Variants in RGS7 observed in about 807,000 individuals in gnomAD.
The protein encoded by RGS7 is regulator of G protein signaling 7, also known as regulator of G-protein signaling 7.
RGS7 carries 27 observed loss-of-function variants against 81.1 expected under a neutral mutation model. That is an observed-to-expected ratio of 0.33 (90% CI 0.25 to 0.46). The LOEUF (loss-of-function observed/expected upper bound fraction) is 0.46. Among genes scored for constraint, RGS7 ranks in the 20% least tolerant of loss-of-function variants. The pLI is 1.00. For synonymous variants in RGS7, 208 were observed against 207.7 expected (o/e 1.00, Z -0.01); for missense variants, 396 against 607.4 (o/e 0.65, Z 3.66).
chr1:240,905,882 T>G (rs970936257), intron 6 of RGS7, among the ~76,000 whole-genome samples: 1 of 152,180 alleles, frequency 6.6e-6, no homozygotes, highest in Non-Finnish European at 1.5e-5. Flanking sequence ...TGCACATGAC[T>G]AGATGCTCAA....
At chr1:241,299,062 T>C (rs969259787) in intron 2 of RGS7, among the ~76,000 whole-genome samples, 2 of 152,208 alleles carry the variant, frequency 1.3e-5, no homozygotes, top group African/African-American at 4.8e-5. Context: ...GCTGGCAAAG[T>C]AATCTCTGCA....
intron 2 of RGS7, among the ~76,000 whole-genome samples, chr1:241,123,582 C>T (rs774748977): frequency 2.6e-5 from 4 of 152,134 alleles, no homozygotes; most frequent in Non-Finnish European, 5.9e-5. Context: ...GAAACCCCGT[C>T]TCTACTAAAA....
At chr1:240,916,723 G>C (rs545986179) in intron 6 of RGS7, among the ~76,000 whole-genome samples, 6 of 152,324 alleles carry the variant, frequency 3.9e-5, no homozygotes, top group African/African-American at 1.2e-4. Flanking sequence ...GCCAAGGAGA[G>C]AGCCTCAAGA....
intron 2 of RGS7, among the ~76,000 whole-genome samples, chr1:241,278,451 A>G (rs554462745): frequency 6.8e-4 from 103 of 152,148 alleles, no homozygotes; most frequent in African/African-American, 2.3e-3. Context: ...CCACCACTCA[A>G]TTTATCACTT....
intron 2 of RGS7, among the ~76,000 whole-genome samples, chr1:241,131,248 A>G (rs1276256150): frequency 6.6e-6 from 1 of 152,194 alleles, no homozygotes; most frequent in African/African-American, 2.4e-5. Flanking sequence ...CCAAATGACA[A>G]TTTAGAAATG....
chr1:240,869,860 A>T (rs1437121530), intron 7 of RGS7, among the ~76,000 whole-genome samples, 195 bp downstream of exon 7: 4 of 152,194 alleles, frequency 2.6e-5, no homozygotes, highest in Non-Finnish European at 5.9e-5. Flanking sequence ...GAATCACTTG[A>T]ACCTGGGAGG....
Position 241,157,821 on chromosome 1 carries a change from C to CTTT in RGS7, c.79-59062_79-59060dup, listed in dbSNP as rs67249227. Among the ~76,000 whole-genome samples, 593 of 94,718 alleles carry CTTT rather than the reference C, an allele frequency of 6.3e-3. 8 individuals are homozygous for CTTT. The highest frequency in any genetic ancestry group is 0.02 in the African/African-American group (566 of 28,874). 62.1% of individuals were successfully genotyped at this position (94,718 alleles called of 152,430 possible). The stretch of plus-strand genomic sequence containing the variant: ...AAACTTTTTTCTTTTCTTTTCTTTT[C>CTTT]TTTTTTTTTTTTTTTGATACTGAGT... On this transcript the variant is annotated intron_variant, in intron 2 of 18. Transcript: ENST00000440928.
chr1:241,255,324 A>G (rs1182133834), intron 2 of RGS7, among the ~76,000 whole-genome samples: 1 of 152,170 alleles, frequency 6.6e-6, no homozygotes, highest in Non-Finnish European at 1.5e-5. Context: ...TATAGAAGAG[A>G]GACTGGCATT....
chr1:241,320,629 T>C (rs1313196001), intron 2 of RGS7, among the ~76,000 whole-genome samples: 1 of 152,256 alleles, frequency 6.6e-6, no homozygotes, highest in Non-Finnish European at 1.5e-5. Flanking sequence ...AATAGTATCA[T>C]TCAATAAGCA....
chr1:240,979,018 G>A (rs1297474310), intron 4 of RGS7, among the ~76,000 whole-genome samples: 3 of 152,116 alleles, frequency 2.0e-5, no homozygotes, highest in Non-Finnish European at 4.4e-5. Flanking sequence ...GCAACGAAAT[G>A]GCAATGGCCC....
chr1:240,890,167 T>G (rs1668050973), intron 6 of RGS7, among the ~76,000 whole-genome samples: 1 of 152,228 alleles, frequency 6.6e-6, no homozygotes, highest in Non-Finnish European at 1.5e-5. Flanking sequence ...CCTTCTTTTT[T>G]TTTTGAGACG....
chr1:241,235,267 G>C (rs879653286), intron 2 of RGS7, among the ~76,000 whole-genome samples: 2 of 152,216 alleles, frequency 1.3e-5, no homozygotes, highest in Non-Finnish European at 2.9e-5. Flanking sequence ...AACATTGAAT[G>C]GCAGATCTGA....
intron 3 of RGS7, among the ~76,000 whole-genome samples, chr1:241,050,673 C>CTCCTCCTCCTCTTTCTCT (rs1268253107): frequency 3.9e-5 from 6 of 152,044 alleles, no homozygotes; most frequent in Admixed American, 1.3e-4. Flanking sequence ...ACACCAACGC[C>CTCCTCCTCCTCTTTCTCT]TCCTCCTCCT....
intron 2 of RGS7, among the ~76,000 whole-genome samples, chr1:241,179,283 G>A (rs72758885): frequency 6.6e-6 from 1 of 152,112 alleles, no homozygotes; most frequent in Admixed American, 6.5e-5. Context: ...ATTTTAAATA[G>A]AGACGGGGTT....
intron 2 of RGS7, among the ~76,000 whole-genome samples, chr1:241,143,872 G>T (rs891367511): frequency 2.6e-5 from 4 of 152,142 alleles, no homozygotes; most frequent in African/African-American, 7.2e-5. Context: ...TATAAAGGAG[G>T]CCTGAGGGAG....
intron 3 of RGS7, among the ~76,000 whole-genome samples, chr1:241,037,410 C>T (rs2060384352): frequency 1.3e-5 from 2 of 152,078 alleles, no homozygotes; most frequent in Non-Finnish European, 2.9e-5. Flanking sequence ...ATGGAAACAA[C>T]CTAAAATGCC....
At chr1:241,136,381 G>A (rs1476345867) in intron 2 of RGS7, among the ~76,000 whole-genome samples, 1 of 152,170 alleles carries the variant, frequency 6.6e-6, no homozygotes, top group East Asian at 1.9e-4. Context: ...CTTTCCACAA[G>A]GAATCACAGT....
intron 2 of RGS7, among the ~76,000 whole-genome samples, chr1:241,245,470 C>T (rs1279987551): frequency 6.6e-6 from 1 of 150,970 alleles, no homozygotes; most frequent in Non-Finnish European, 1.5e-5. Context: ...GAACCATATG[C>T]CAATTAAACC....
chr1:240,981,140 C>T (rs555598263), intron 4 of RGS7, among the ~76,000 whole-genome samples: 155 of 152,138 alleles, frequency 1.0e-3, no homozygotes, highest in Middle Eastern at 3.4e-3. Context: ...GACAGAGTCA[C>T]GCTCTGTCAC....
Sources: allele counts gnomAD v4.1 joint callset (sites outside exome capture counted in the v4.1 genomes callset), GRCh38; gene constraint gnomAD v4.1.1; transcripts MANE v1.5; gene names NCBI Gene and HGNC (gene_info 2026-07-23, HGNC 2026-07-21).